The following WDR27 variants were observed in gnomAD, a reference collection of about 807,000 sequenced individuals.
WDR27 encodes WD repeat-containing protein 27.
WDR27 carries 100 observed loss-of-function variants against 114.4 expected under a neutral mutation model. That is an observed-to-expected ratio of 0.87 (90% confidence interval 0.74 to 1.03). WDR27 has a LOEUF of 1.03. Among genes scored for constraint, WDR27 ranks in the 50% least tolerant of loss-of-function variants. The probability of loss-of-function intolerance (pLI) is 0.00; values close to 1 mark genes in which losing one functional copy is unlikely to be tolerated. For missense variants in WDR27, 1,129 were observed against 1,092.9 expected (o/e 1.03, Z -0.47); for synonymous variants, 449 against 423.1 (o/e 1.06, Z -0.75).
intron 25 of WDR27, among the ~76,000 whole-genome samples, chr6:169,519,519 G>C (rs1269891571): frequency 6.6e-6 from 1 of 151,874 alleles, no homozygotes; most frequent in Non-Finnish European, 1.5e-5. Flanking sequence ...AAGAGAGAAT[G>C]GGGGGTGGGA....
rs141157814 is a variant in WDR27 at position 169,544,195 on chromosome 6, C to G, written c.2645+28224G>C. 1.9e-3 allele frequency among the ~76,000 whole-genome samples: 289 copies of G among 152,190 alleles called. 1 individual carries two copies. Among genetic ancestry groups the G allele is most frequent in the African/African-American group, 6.7e-3 (278 of 41,512 alleles). ...AAGTCTGGGGATAATGAAAAGATGT[C>G]TACTCTCACACTCTCAGTCCACATA... On this transcript the variant is annotated intron_variant, in intron 25 of 25. Transcript: ENST00000448612.
At chr6:169,543,252 C>T (rs1038860405) in intron 25 of WDR27, among the ~76,000 whole-genome samples, 1 of 152,016 alleles carries the variant, frequency 6.6e-6, no homozygotes, top group African/African-American at 2.4e-5. Flanking sequence ...AACAACTTTA[C>T]ACCAATAAAT....
At chr6:169,473,706 T>C (rs974718156) in intron 25 of WDR27, among the ~76,000 whole-genome samples, 1 of 152,114 alleles carries the variant, frequency 6.6e-6, no homozygotes, top group East Asian at 1.9e-4. Context: ...ACCAGAGCCA[T>C]AGATGCAAGA....
intron 25 of WDR27, among the ~76,000 whole-genome samples, chr6:169,548,628 T>TA (rs1431922820): frequency 6.6e-6 from 1 of 152,108 alleles, no homozygotes; most frequent in Non-Finnish European, 1.5e-5. Flanking sequence ...GTTGAAGGGG[T>TA]AACAGTTCCC....
chr6:169,694,826 C>T (rs577675482), intron 1 of WDR27, among the ~76,000 whole-genome samples: 8 of 152,368 alleles, frequency 5.3e-5, no homozygotes, highest in Non-Finnish European at 8.8e-5. Flanking sequence ...GGCCTCCCAC[C>T]GTTGCAGGGC....
intron 25 of WDR27, among the ~76,000 whole-genome samples, chr6:169,463,888 G>A (rs189288388): frequency 6.6e-6 from 1 of 152,202 alleles, no homozygotes; most frequent in Admixed American, 6.5e-5. Flanking sequence ...TGAAGGAAAC[G>A]AAAGACATTC....
chr6:169,633,544 G>A (rs74784234), intron 20 of WDR27, among the ~76,000 whole-genome samples: 3,567 of 152,276 alleles, frequency 0.023, 72 homozygotes, highest in Non-Finnish European at 0.035. Context: ...TGACCGTGAC[G>A]TGCTTCATAA....
intron 25 of WDR27, among the ~76,000 whole-genome samples, chr6:169,499,555 C>T (rs1377715915): frequency 1.3e-5 from 2 of 152,196 alleles, no homozygotes; most frequent in African/African-American, 2.4e-5. Context: ...ATCACCTGCA[C>T]CATCAAATAA....
At chr6:169,644,816 C>A (rs866453072) in intron 16 of WDR27, among the ~76,000 whole-genome samples, 1 of 69,128 alleles carries the variant, frequency 1.4e-5, no homozygotes, top group Non-Finnish European at 2.6e-5. Flanking sequence ...GAGACCATCC[C>A]GGCTAAAACG....
chr6:169,524,387 A>T (rs983171993), intron 25 of WDR27, among the ~76,000 whole-genome samples: 1 of 152,244 alleles, frequency 6.6e-6, no homozygotes, highest in Non-Finnish European at 1.5e-5. Context: ...TGCAATTCCT[A>T]TTAAAATTCC....
chr6:169,457,150 C>G (rs1454914122), downstream of WDR27: 2 of 178,042 alleles, frequency 1.1e-5, no homozygotes, highest in Non-Finnish European at 2.4e-5. Flanking sequence ...GCTCACCACA[C>G]AGAACCCACG....
At chr6:169,445,400 G>A in the WDR27 span, among the ~76,000 whole-genome samples, 5 of 152,030 alleles carry the variant, frequency 3.3e-5, no homozygotes, top group South Asian at 8.4e-4. Flanking sequence ...TAGGGTCTCC[G>A]GTGTAATTCC....
chr6:169,616,779 T>C (rs150591926), intron 21 of WDR27, among the ~76,000 whole-genome samples: 6 of 152,220 alleles, frequency 3.9e-5, no homozygotes, highest in East Asian at 1.9e-4. Flanking sequence ...CAATACTATA[T>C]ATGGAGAGTG....
intron 14 of WDR27, among the ~76,000 whole-genome samples, chr6:169,651,178 C>CGGGGGGGGGGGGGGGGGG (rs200606067): frequency 8.8e-4 from 3 of 3,400 alleles, no homozygotes; most frequent in African/African-American, 2.1e-3. Flanking sequence ...CACAGCAGTG[C>CGGGGGGGGGGGGGGGGGG]GGGGCGGGGG....
intron 22 of WDR27, among the ~76,000 whole-genome samples, chr6:169,605,031 C>T (rs959171638): frequency 7.0e-6 from 1 of 142,292 alleles, no homozygotes; most frequent in South Asian, 2.2e-4. Context: ...CCTCTAAGAA[C>T]TGGAACAAGA....
chr6:169,671,040 T>C (rs1454523545), intron 3 of WDR27: 3 of 188,686 alleles, frequency 1.6e-5, no homozygotes, highest in South Asian at 1.2e-4. Flanking sequence ...CCCTCATGTA[T>C]AGGTTCAGCT....
At chr6:169,444,720 C>G in the WDR27 span, among the ~76,000 whole-genome samples, 2 of 151,166 alleles carry the variant, frequency 1.3e-5, no homozygotes. Context: ...GATTTTGCAG[C>G]TTCAGAAACA....
chr6:169,596,006 A>T (rs1377249218), intron 23 of WDR27, among the ~76,000 whole-genome samples: 1 of 152,098 alleles, frequency 6.6e-6, no homozygotes, highest in African/African-American at 2.4e-5. Context: ...TCTTTCCCTT[A>T]TAAGCATTTG....
chr6:169,700,340 G>A (rs898453727), intron 1 of WDR27, among the ~76,000 whole-genome samples: 26 of 152,228 alleles, frequency 1.7e-4, no homozygotes, highest in African/African-American at 6.0e-4. Context: ...TGTTCTCCAT[G>A]TGGGATCAAG....
Sources: allele counts gnomAD v4.1 joint callset (sites outside exome capture counted in the v4.1 genomes callset), GRCh38; gene constraint gnomAD v4.1.1; transcripts MANE v1.5; gene names NCBI Gene and HGNC (gene_info 2026-07-23, HGNC 2026-07-21).